Variants in MYPN observed in about 807,000 individuals in gnomAD.
MYPN encodes myopalladin.
In MYPN, 63 loss-of-function variants were observed where a neutral mutation model predicts 129.4. That is an observed-to-expected ratio of 0.49 (90% CI 0.40 to 0.60). MYPN has a LOEUF of 0.60. Ranked by LOEUF, MYPN falls within the 20% of genes least tolerant of loss-of-function variation. The probability of loss-of-function intolerance (pLI) is 0.00; values close to 1 mark genes in which losing one functional copy is unlikely to be tolerated. For synonymous variants in MYPN, 629 were observed against 600.9 expected (o/e 1.05, Z -0.68); for missense variants, 1,596 against 1,635.4 (o/e 0.98, Z 0.42).
At chr10:68,196,535 A>T (rs1263861329) in intron 15 of MYPN, among the ~76,000 whole-genome samples, 1 of 134,260 alleles carries the variant, frequency 7.4e-6, no homozygotes, top group African/African-American at 2.6e-5. Flanking sequence ...CCAGGCTGGA[A>T]TGCAGTGGTG....
At chr10:68,114,865 A>G (rs2042133191) in intron 1 of MYPN, among the ~76,000 whole-genome samples, 1 of 152,178 alleles carries the variant, frequency 6.6e-6, no homozygotes, top group Non-Finnish European at 1.5e-5. Context: ...CATCAATGCC[A>G]TGATCTGTTT....
rs2043083742 is a variant in MYPN at position 68,168,217 on chromosome 10, T to G, written c.1973+1551T>G. ...CCCAATTCTATTTGGTTCAGGCTGATCAGGTGACCTCCTGCCCCCTCCCCA... is the reference window on the plus strand; with the variant it reads ...CCCAATTCTATTTGGTTCAGGCTGAGCAGGTGACCTCCTGCCCCCTCCCCA... On this transcript the variant is annotated intron_variant, in intron 10 of 19. Transcript: ENST00000358913. Among the ~76,000 whole-genome samples the G allele has an allele frequency of 2.0e-5, 3 of 152,142 alleles. No individual in the cohort carries two copies. The South Asian group carries it at 6.2e-4, about 31-fold the overall frequency.
At chr10:68,148,498 A>C in intron 5 of MYPN, 31 bp downstream of exon 5, 1 of 1,551,266 alleles carries the variant, frequency 6.4e-7, no homozygotes, top group Non-Finnish European at 8.9e-7. Flanking sequence ...CACAAGTGCC[A>C]TCCACTGTGA....
chr10:68,158,186 C>G (rs1053958799), intron 6 of MYPN: 16 of 314,302 alleles, frequency 5.1e-5, no homozygotes, highest in Non-Finnish European at 8.9e-5. Context: ...CTCATTGTTT[C>G]CATGTGCGTC....
intron 1 of MYPN, among the ~76,000 whole-genome samples, chr10:68,096,042 A>G (rs2041954996): frequency 6.6e-6 from 1 of 152,236 alleles, no homozygotes; most frequent in African/African-American, 2.4e-5. Context: ...GAATTATGCT[A>G]AGATAGTTCA....
At chr10:68,135,551 G>A in intron 2 of MYPN, 1 of 903,302 alleles carries the variant, frequency 1.1e-6, no homozygotes, top group Non-Finnish European at 1.3e-6. Flanking sequence ...CTGTGTTTTA[G>A]GCCCCACATT....
chr10:68,117,251 T>C (rs77872688), intron 1 of MYPN, among the ~76,000 whole-genome samples: 1 of 147,646 alleles, frequency 6.8e-6, no homozygotes, highest in African/African-American at 2.5e-5. Flanking sequence ...TGAAAGCTAA[T>C]AGTAGAGTTA....
intron 10 of MYPN, among the ~76,000 whole-genome samples, chr10:68,169,171 C>T (rs2043102762): frequency 9.4e-6 from 1 of 106,016 alleles, no homozygotes; most frequent in Non-Finnish European, 1.8e-5. Flanking sequence ...CGGTGAAACT[C>T]CGTCTCTACT....
chr10:68,132,608 T>C (rs899159106), intron 2 of MYPN, among the ~76,000 whole-genome samples: 1 of 152,146 alleles, frequency 6.6e-6, no homozygotes, highest in Non-Finnish European at 1.5e-5. Context: ...ATCACTCCTG[T>C]CCAGACCATA....
Position 68,118,405 on chromosome 10 carries a change from G to A in MYPN, c.-1-3033G>A, listed in dbSNP as rs138413725. The stretch of plus-strand genomic sequence containing the variant: ...AGCTCAAATAAGTTAACTTCTCAGA[G>A]TTACATAATTGTTACGAGATGAAGC... On this transcript the variant is annotated intron_variant, in intron 1 of 19. Transcript: ENST00000358913. Among the ~76,000 whole-genome samples the A allele has an allele frequency of 8.2e-3, 1,248 of 152,212 alleles. 7 individuals are homozygous for A. Among genetic ancestry groups the A allele is most frequent in the Middle Eastern group, 0.014 (4 of 294 alleles).
chr10:68,111,054 C>A (rs1469338937), intron 1 of MYPN, among the ~76,000 whole-genome samples: 1 of 152,126 alleles, frequency 6.6e-6, no homozygotes, highest in Non-Finnish European at 1.5e-5. Flanking sequence ...CATATATCTA[C>A]AATTTATAAT....
intron 15 of MYPN, 111 bp from the exon 16 acceptor site, chr10:68,197,241 T>TAAA: frequency 2.2e-6 from 2 of 923,044 alleles, no homozygotes; most frequent in Non-Finnish European, 3.2e-6. Context: ...CTTTCCCCCT[T>TAAA]CAAAAAAAAA....
At chr10:68,094,831 G>A (rs973089310) in intron 1 of MYPN, among the ~76,000 whole-genome samples, 1 of 152,120 alleles carries the variant, frequency 6.6e-6, no homozygotes, top group African/African-American at 2.4e-5. Context: ...GGAGGCCAAG[G>A]TGGGCAGATC....
intron 10 of MYPN, among the ~76,000 whole-genome samples, chr10:68,173,031 C>T (rs1158804790): frequency 1.3e-5 from 2 of 152,072 alleles, no homozygotes; most frequent in South Asian, 4.1e-4. Flanking sequence ...CAAGATCGCA[C>T]TACTGCACTC....
chr10:68,195,484 A>G lies in MYPN; in HGVS notation c.3110A>G (p.Gln1037Arg), dbSNP rs794729074. ...AGCTGTTCTGGCCACTTGATGGTAC[A>G]AAGTTTGCCCATTCGCAGTCGGCTA... ...RISCSGHLMV[Q>R]SLPIRSRLTS... The change falls in exon 15 of 20, where the codon CAA becomes CGA. Residue 1037 changes from glutamine (Q) to arginine (R), a missense_variant. Coordinates refer to ENST00000358913, the MANE Select transcript of MYPN (RefSeq NM_032578.4). 2.5e-6 allele frequency: 4 copies of G among 1,613,960 alleles called. No individual in the cohort carries two copies. The highest frequency in any genetic ancestry group is 3.4e-6 in the Non-Finnish European group (4 of 1,179,960).
At chr10:68,130,636 A>G (rs926721641) in intron 2 of MYPN, among the ~76,000 whole-genome samples, 8 of 151,888 alleles carry the variant, frequency 5.3e-5, no homozygotes, top group African/African-American at 7.3e-5. Flanking sequence ...TTTTGCTCCA[A>G]ATTAATTAAT....
At chr10:68,206,671 G>A in intron 18 of MYPN, 99 bp from the exon 19 acceptor site, 1 of 1,521,110 alleles carries the variant, frequency 6.6e-7, no homozygotes. Flanking sequence ...CTTGATGTCT[G>A]CCTTAAGCTG....
intron 6 of MYPN, among the ~76,000 whole-genome samples, chr10:68,157,433 T>C (rs1272660866): frequency 1.3e-5 from 2 of 152,134 alleles, no homozygotes; most frequent in Non-Finnish European, 2.9e-5. Context: ...CATTCTTTTG[T>C]GGACTAATAC....
intron 6 of MYPN, among the ~76,000 whole-genome samples, chr10:68,157,264 T>G (rs2134130248): frequency 6.6e-6 from 1 of 152,268 alleles, no homozygotes; most frequent in Non-Finnish European, 1.5e-5. Context: ...CTTTTATTCC[T>G]CAACAGATTA....
Sources: gnomAD v4.1 joint callset for allele counts (sites outside exome capture counted in the v4.1 genomes callset) on GRCh38, gnomAD v4.1.1 for gene constraint, MANE v1.5 for transcripts, NCBI Gene and HGNC (gene_info 2026-07-23, HGNC 2026-07-21) for gene names.